The following GRK3 variants were observed in gnomAD, a reference collection of about 807,000 sequenced individuals.
GRK3 encodes G protein-coupled receptor kinase 3.
GRK3 carries 54 observed loss-of-function variants against 95.7 expected under a neutral mutation model. That is an observed-to-expected ratio of 0.56 (90% CI 0.45 to 0.71). The LOEUF (loss-of-function observed/expected upper bound fraction) is 0.71. Among genes scored for constraint, GRK3 ranks in the 30% least tolerant of loss-of-function variants. GRK3 has a pLI of 0.00. For missense variants in GRK3, 649 were observed against 851.2 expected (o/e 0.76, Z 2.96); for synonymous variants, 281 against 290.8 (o/e 0.97, Z 0.34).
chr22:25,637,182 C>T lies in GRK3; in HGVS notation c.191-7410C>T, dbSNP rs904515049. Among the ~76,000 whole-genome samples, 6 of 151,520 alleles carry T rather than the reference C, an allele frequency of 4.0e-5. No homozygotes were observed. The South Asian group carries it at 1.3e-3, about 32-fold the overall frequency. ...TGAGACTCCAGGATTGATACTAGCGCCTTTTCCTGGTTCTCAGACCTTTGG... is the reference window on the plus strand; with the variant it reads ...TGAGACTCCAGGATTGATACTAGCGTCTTTTCCTGGTTCTCAGACCTTTGG... On this transcript the variant is annotated intron_variant, in intron 2 of 20. Coordinates refer to ENST00000324198, the MANE Select transcript of GRK3 (RefSeq NM_005160.4).
intron 9 of GRK3, among the ~76,000 whole-genome samples, chr22:25,681,750 GC>G (rs1448283554): frequency 7.2e-5 from 11 of 152,148 alleles, no homozygotes; most frequent in African/African-American, 2.7e-4. Context: ...GCGAGTTCCT[GC>G]AAAATGTAAG....
intron 14 of GRK3, 23 bp downstream of exon 14, chr22:25,703,599 T>A: frequency 6.4e-7 from 1 of 1,553,014 alleles, no homozygotes; most frequent in Non-Finnish European, 8.9e-7. Flanking sequence ...AAAACTGTAT[T>A]CTTGTCTGTA....
chr22:25,598,114 A>G (rs1372461160), intron 1 of GRK3, among the ~76,000 whole-genome samples: 1 of 152,234 alleles, frequency 6.6e-6, no homozygotes, highest in Non-Finnish European at 1.5e-5. Context: ...ATATATTATG[A>G]GATTTAGAAC....
intron 5 of GRK3, among the ~76,000 whole-genome samples, chr22:25,664,346 A>G (rs145808183): frequency 0.012 from 1,900 of 152,290 alleles, 27 homozygotes; most frequent in Middle Eastern, 0.065. Context: ...AGTGGTTTAC[A>G]AGGACAGTCA....
rs375958989 is a variant in GRK3 at position 25,625,719 on chromosome 22, C to T, written c.191-18873C>T. 2.9e-4 allele frequency among the ~76,000 whole-genome samples: 44 copies of T among 152,332 alleles called. 1 individual carries two copies. In the East Asian group the frequency reaches 7.3e-3, roughly 25 times the overall value. On this transcript the variant is annotated intron_variant, in intron 2 of 20. Transcript: ENST00000324198. ...CTCCTAGTCTGCCTTCATGTTTCAT[C>T]CTGTACACCTGGCTCTGCCTTCTAG...
chr22:25,565,213 C>T (rs1346652210), intron 1 of GRK3, 60 bp downstream of exon 1: 2 of 878,224 alleles, frequency 2.3e-6, no homozygotes, highest in African/African-American at 1.8e-5. Flanking sequence ...CCGCCAGCTA[C>T]CCCCTGCTTC....
intron 6 of GRK3, among the ~76,000 whole-genome samples, chr22:25,671,284 A>C (rs780708996): frequency 6.6e-6 from 1 of 151,674 alleles, no homozygotes; most frequent in Non-Finnish European, 1.5e-5. Flanking sequence ...AGCTTGCAGT[A>C]AGCCGAGATG....
At chr22:25,695,045 C>T (rs2085196174) in intron 12 of GRK3, 62 bp from the exon 13 acceptor site, 3 of 1,188,832 alleles carry the variant, frequency 2.5e-6, no homozygotes, top group South Asian at 1.3e-5. Context: ...GACCTTGGGG[C>T]GCTGTTAGTG....
rs561571601 is a variant in GRK3 at position 25,716,132 on chromosome 22, G to A, written c.1654+1562G>A. Among the ~76,000 whole-genome samples, 30 of 152,082 alleles carry A rather than the reference G, an allele frequency of 2.0e-4. 1 individual carries two copies. The East Asian group carries it at 3.1e-3, about 16-fold the overall frequency. The stretch of plus-strand genomic sequence containing the variant: ...CTCCCAAGCAGCTGGGATTACAGGC[G>A]CCCACCACCACGCCTGGCTATTTTT... On this transcript the variant is annotated intron_variant, in intron 18 of 20. Transcript: ENST00000324198.
At chr22:25,671,058 A>G (rs1361032211) in intron 6 of GRK3, among the ~76,000 whole-genome samples, 1 of 148,424 alleles carries the variant, frequency 6.7e-6, no homozygotes, top group African/African-American at 2.5e-5. Flanking sequence ...ATCTCAAAAC[A>G]AAAACAAAAA....
rs1413836856 is a variant in GRK3 at position 25,632,657 on chromosome 22, ATT to A, written c.191-11933_191-11932del. On this transcript the variant is annotated intron_variant, in intron 2 of 20. Transcript: ENST00000324198. ...ACAATTTTATAGTTTGAAGATTTATATTTAATTCTATTATCCATTTTGAGTTA... is the reference window on the plus strand; with the variant it reads ...ACAATTTTATAGTTTGAAGATTTATATAATTCTATTATCCATTTTGAGTTA... Among the ~76,000 whole-genome samples, 241 of 152,306 alleles carry A rather than the reference ATT, an allele frequency of 1.6e-3. 1 individual carries two copies. The highest frequency in any genetic ancestry group is 3.9e-3 in the African/African-American group (163 of 41,566).
At chr22:25,685,030 T>C in intron 9 of GRK3, 140 bp from the exon 10 acceptor site, 1 of 608,178 alleles carries the variant, frequency 1.6e-6, no homozygotes, top group Non-Finnish European at 2.9e-6. Flanking sequence ...CATCAAACTG[T>C]ACACCATAAA....
At chr22:25,718,144 C>A (rs1318208019) in intron 18 of GRK3, 101 bp from the exon 19 acceptor site, 3 of 1,365,366 alleles carry the variant, frequency 2.2e-6, no homozygotes, top group Non-Finnish European at 3.0e-6. Context: ...TAGAAACCTG[C>A]TTTTTCCAAA....
At chr22:25,681,897 T>C (rs1253486754) in intron 9 of GRK3, among the ~76,000 whole-genome samples, 1 of 152,176 alleles carries the variant, frequency 6.6e-6, no homozygotes, top group East Asian at 1.9e-4. Flanking sequence ...ATAATTATCC[T>C]TGGAACTGTA....
Position 25,718,366 on chromosome 22 carries a change from A to G in GRK3, c.1776A>G (p.Gly592=), listed in dbSNP as rs758886477. 5 of 1,613,972 alleles carry G rather than the reference A, an allele frequency of 3.1e-6. No individual in the cohort carries two copies. Among genetic ancestry groups the G allele is most frequent in the Non-Finnish European group, 4.2e-6 (5 of 1,179,972 alleles). ...TTCCAAATAGACTTGAATGGAGAGG[A>G]GAGGGAGAGTCCCGGGTAAGTCTAA... The part of the protein sequence containing the change: ...YLFPNRLEWR[G]EGESRQNLLT... Residue 592 remains glycine (G), a synonymous_variant, in exon 19 of 21, where the codon GGA becomes GGG. Coordinates refer to ENST00000324198, the MANE Select transcript of GRK3 (RefSeq NM_005160.4).
intron 1 of GRK3, among the ~76,000 whole-genome samples, chr22:25,575,612 G>A (rs1289462426): frequency 6.6e-6 from 1 of 152,066 alleles, no homozygotes; most frequent in Non-Finnish European, 1.5e-5. Context: ...AAACCCCATG[G>A]TAGATAGTCA....
intron 1 of GRK3, among the ~76,000 whole-genome samples, chr22:25,579,232 T>C (rs2146316988): frequency 6.6e-6 from 1 of 151,088 alleles, no homozygotes; most frequent in East Asian, 2.0e-4. Context: ...TGATCACAGC[T>C]CACTTCAGGC....
chr22:25,688,597 C>T (rs1360694931), intron 11 of GRK3, among the ~76,000 whole-genome samples: 1 of 152,240 alleles, frequency 6.6e-6, no homozygotes, highest in African/African-American at 2.4e-5. Context: ...TAACCTCCAA[C>T]TGCTGTGCCC....
At chr22:25,718,157 G>C (rs887813519) in intron 18 of GRK3, 88 bp from the exon 19 acceptor site, 1 of 1,445,444 alleles carries the variant, frequency 6.9e-7, no homozygotes, top group African/African-American at 1.4e-5. Context: ...TTTCCAAAAA[G>C]CATGTCTGTT....
Sources: allele counts gnomAD v4.1 joint callset (sites outside exome capture counted in the v4.1 genomes callset), GRCh38; gene constraint gnomAD v4.1.1; transcripts MANE v1.5; gene names NCBI Gene and HGNC (gene_info 2026-07-23, HGNC 2026-07-21).